Variants in FAM9A observed in about 807,000 individuals in gnomAD.
FAM9A encodes family with sequence similarity 9 member A.
FAM9A carries 49 observed loss-of-function variants against 25.0 expected under a neutral mutation model. That is an observed-to-expected ratio of 1.96 (90% CI 1.56 to 2.48). FAM9A has a LOEUF of 2.48. Among genes scored for constraint, FAM9A ranks in the 30% most tolerant of loss-of-function variants. FAM9A has a pLI of 0.00. For synonymous variants in FAM9A, 80 were observed against 85.1 expected, an observed-to-expected ratio of 0.94 and a Z score of 0.33; for missense variants, 266 against 249.3, an observed-to-expected ratio of 1.07 and a Z score of -0.45.
At position 8,799,180 on chromosome X, in the gene FAM9A, G is replaced by A. The variant is rs73631413; in HGVS notation, c.92-86C>T. The stretch of plus-strand genomic sequence containing the variant: ...CAACGGGATCTCGGATTCAAGAAAG[G>A]GTGGGGCTGGCCCACCCCGTGTATC... On this transcript the variant is annotated intron_variant, in intron 2 of 9. Transcript: ENST00000381003. The A allele has an allele frequency of 1.6e-3, 1,674 of 1,028,771 alleles. 24 individuals are homozygous for A. The African/African-American group carries it at 0.025, about 15-fold the overall frequency. 84.8% of individuals were successfully genotyped at this position (1,028,771 alleles called of 1,213,427 possible). A position where few individuals can be genotyped will look rare whatever the true frequency, so the allele number is the denominator to read the frequency against.
intron 8 of FAM9A, among the ~76,000 whole-genome samples, chrX:8,792,001 AACTC>A (rs1427374766): frequency 2.7e-5 from 3 of 112,378 alleles, no homozygotes; most frequent in African/African-American, 9.7e-5. Flanking sequence ...ATGGAAGGGC[AACTC>A]ACTCAGACAT....
intron 6 of FAM9A, 40 bp from the exon 7 acceptor site, chrX:8,795,460 G>C (rs1464199202): frequency 9.1e-7 from 1 of 1,102,658 alleles, no homozygotes; most frequent in East Asian, 3.1e-5. Context: ...ATGTCATAGA[G>C]AGATGAAAAA....
chrX:8,798,359 C>T lies in FAM9A; in HGVS notation c.341G>A (p.Gly114Glu). ...EPFAEKDEHT[G>E]IHTMKLEHIA... ...GGCAAAAGTGACTTAAACACTTTAC[C>T]CCGTGTGTTCATCTTTTTCAGCAAA... Residue 114 changes from glycine (G) to glutamate (E), a missense_variant and splice_region_variant, in exon 4 of 10, where the codon GGG becomes GAG. Transcript: ENST00000381003. 1 of 1,210,890 alleles carries T rather than the reference C, an allele frequency of 8.3e-7. No homozygotes were observed. The highest frequency in any genetic ancestry group is 3.0e-5 in the East Asian group (1 of 33,828).
intron 1 of FAM9A, among the ~76,000 whole-genome samples, chrX:8,801,055 A>G (rs1489800961): frequency 2.1e-5 from 2 of 94,387 alleles, no homozygotes; most frequent in Non-Finnish European, 4.2e-5. Flanking sequence ...CAACGATGCC[A>G]GGGCCATTTC....
At chrX:8,794,786 C>T (rs748520032) in intron 7 of FAM9A, among the ~76,000 whole-genome samples, 1 of 112,267 alleles carries the variant, frequency 8.9e-6, no homozygotes, top group South Asian at 3.7e-4. Flanking sequence ...CCCAACTCTC[C>T]TTCTATCAAC....
intron 5 of FAM9A, 74 bp from the exon 6 acceptor site, chrX:8,796,456 G>T: frequency 1.6e-6 from 1 of 617,411 alleles, no homozygotes. Flanking sequence ...AAATCAACGT[G>T]AGATATGATG....
intron 1 of FAM9A, among the ~76,000 whole-genome samples, 160 bp from the exon 2 acceptor site, chrX:8,800,369 C>T (rs192218170): frequency 5.9e-4 from 66 of 111,524 alleles, no homozygotes; most frequent in Non-Finnish European, 3.2e-4. Flanking sequence ...CCCTCCTATC[C>T]TTCGTGGCCC....
chrX:8,794,704 G>A (rs1933506473), intron 7 of FAM9A, among the ~76,000 whole-genome samples: 1 of 111,500 alleles, frequency 9.0e-6, no homozygotes, highest in Non-Finnish European at 1.9e-5. Flanking sequence ...ACCCCCATGT[G>A]CTCAGGTAAC....
At position 8,795,269 on chromosome X, in the gene FAM9A, C is replaced by T. The variant is rs1278184912; in HGVS notation, c.640G>A (p.Ala214Thr). The change falls in exon 7 of 10, where the codon GCA (alanine) becomes ACA (threonine). Residue 214 changes from alanine (A) to threonine (T), a missense_variant. Coordinates refer to ENST00000381003, the MANE Select transcript of FAM9A (RefSeq NM_174951.3). Reference sequence around the variant, plus strand: ...TCGTCTTCTACTACTATTACTTCTGCTGCTGCTGCTGCGGCTTCTGCTGCT... The same window carrying T: ...TCGTCTTCTACTACTATTACTTCTGTTGCTGCTGCTGCGGCTTCTGCTGCT... ...AAAAEAAAAA[A>T]EVIVVEDEEE... 6 of 1,187,439 alleles carry T rather than the reference C, an allele frequency of 5.1e-6. No individual in the cohort carries two copies. The South Asian group carries it at 1.1e-4, about 21-fold the overall frequency.
chrX:8,801,257 G>T (rs926861291), intron 1 of FAM9A, 54 bp downstream of exon 1: 1 of 107,891 alleles, frequency 9.3e-6, no homozygotes, highest in Non-Finnish European at 1.9e-5. Flanking sequence ...TCACACCCTG[G>T]TTGCGAGAGG....
intron 2 of FAM9A, among the ~76,000 whole-genome samples, chrX:8,799,540 G>A (rs1457606812): frequency 9.5e-6 from 1 of 105,617 alleles, no homozygotes; most frequent in Non-Finnish European, 2.0e-5. Context: ...CCGGGCTGGA[G>A]GGACCCACTC....
chrX:8,791,747 A>G (rs1182435213), intron 8 of FAM9A, among the ~76,000 whole-genome samples: 1 of 111,856 alleles, frequency 8.9e-6, no homozygotes, highest in African/African-American at 3.3e-5. Flanking sequence ...GTCTACGGAA[A>G]GTGGTTTCCA....
At chrX:8,792,958 C>T (rs951186065) in intron 8 of FAM9A, among the ~76,000 whole-genome samples, 4 of 112,396 alleles carry the variant, frequency 3.6e-5, no homozygotes, top group Non-Finnish European at 7.5e-5. Context: ...AATTTGCTGG[C>T]TTTCCCATTC....
intron 3 of FAM9A, 32 bp downstream of exon 3, chrX:8,798,934 C>T (rs1933565947): frequency 2.5e-6 from 3 of 1,211,862 alleles, no homozygotes; most frequent in Non-Finnish European, 3.4e-6. Context: ...TGGGCGTGCA[C>T]CTTCTTTTCT....
rs780902848 is a variant in FAM9A at position 8,795,187 on chromosome X, TCTC to T, written c.719_721del (p.Gly240del). 2.6e-5 allele frequency: 27 copies of T among 1,044,036 alleles called. No homozygotes were observed. The South Asian group carries it at 3.2e-4, about 13-fold the overall frequency. 86.0% of individuals were successfully genotyped at this position (1,044,036 alleles called of 1,213,427 possible). A position where few individuals can be genotyped will look rare whatever the true frequency, so the allele number is the denominator to read the frequency against. On this transcript the variant is annotated inframe_deletion, in exon 7 of 10. Transcript: ENST00000381003. ...TCCTTCTTCTCCTCCTCCTTCTTCT[TCTC>T]CTTCTTCTTCCTCCTCTTCTTTCTC... is the stretch of plus-strand genomic sequence containing the variant.
intron 8 of FAM9A, among the ~76,000 whole-genome samples, chrX:8,792,703 C>G (rs1314466516): frequency 2.7e-5 from 3 of 112,113 alleles, no homozygotes; most frequent in South Asian, 7.4e-4. Context: ...AGATCATTCT[C>G]AAGTTGCTTG....
intron 1 of FAM9A, among the ~76,000 whole-genome samples, chrX:8,800,634 C>T (rs1446059497): frequency 9.2e-6 from 1 of 108,774 alleles, no homozygotes; most frequent in African/African-American, 3.3e-5. Context: ...GTGTCCTGTC[C>T]TGACGGGCGG....
intron 5 of FAM9A, among the ~76,000 whole-genome samples, chrX:8,796,622 A>C (rs1384709190): frequency 1.8e-5 from 2 of 112,267 alleles, no homozygotes; most frequent in African/African-American, 6.5e-5. Flanking sequence ...TTTATGGATG[A>C]TGAAAAAAAG....
chrX:8,797,177 C>G (rs1220173023), intron 5 of FAM9A, among the ~76,000 whole-genome samples: 1 of 112,313 alleles, frequency 8.9e-6, no homozygotes, highest in Admixed American at 9.4e-5. Context: ...AAAACCAGCA[C>G]TTACTCACCA....
Sources: gnomAD v4.1 joint callset for allele counts (sites outside exome capture counted in the v4.1 genomes callset) on GRCh38, gnomAD v4.1.1 for gene constraint, MANE v1.5 for transcripts, NCBI Gene and HGNC (gene_info 2026-07-23, HGNC 2026-07-21) for gene names.